The following CALCRL variants were observed in gnomAD, a reference collection of about 807,000 sequenced individuals.
CALCRL encodes the protein calcitonin receptor like receptor, also known as calcitonin gene-related peptide type 1 receptor.
Under a neutral mutation model 60.4 loss-of-function variants are expected in CALCRL, and 27 were observed. The ratio of observed to expected loss-of-function variants is 0.45; its 90% CI spans 0.33 to 0.62. The LOEUF (loss-of-function observed/expected upper bound fraction) is 0.62. Ranked by LOEUF, CALCRL falls within the 20% of genes least tolerant of loss-of-function variation. The probability of loss-of-function intolerance (pLI) is 0.03; values close to 1 mark genes in which losing one functional copy is unlikely to be tolerated. For synonymous variants in CALCRL, 190 were observed against 182.6 expected (o/e 1.04, Z -0.33); for missense variants, 424 against 540.7 (o/e 0.78, Z 2.14).
At chr2:187,347,750 A>G (rs1013417854) in intron 14 of CALCRL, among the ~76,000 whole-genome samples, 2 of 151,838 alleles carry the variant, frequency 1.3e-5, no homozygotes, top group African/African-American at 4.8e-5. Context: ...TTCCTGTTAA[A>G]GTATCTTATA....
chr2:187,348,961 A>G (rs1214598265), intron 14 of CALCRL, among the ~76,000 whole-genome samples: 3 of 151,742 alleles, frequency 2.0e-5, no homozygotes, highest in Non-Finnish European at 4.4e-5. Flanking sequence ...TAGTAAGGCA[A>G]ATGTTTAGAA....
intron 1 of CALCRL, among the ~76,000 whole-genome samples, chr2:187,407,528 T>C (rs1243619888): frequency 6.6e-6 from 1 of 152,122 alleles, no homozygotes; most frequent in Admixed American, 6.6e-5. Flanking sequence ...GAATTATTTC[T>C]TTTAATTCAG....
intron 1 of CALCRL, among the ~76,000 whole-genome samples, chr2:187,430,272 T>C (rs1407252054): frequency 1.3e-5 from 2 of 152,186 alleles, no homozygotes; most frequent in Non-Finnish European, 2.9e-5. Flanking sequence ...GGATCTATTT[T>C]TGGGTCCAGC....
intron 4 of CALCRL, among the ~76,000 whole-genome samples, chr2:187,384,550 G>A (rs1371724197): frequency 6.6e-6 from 1 of 152,214 alleles, no homozygotes; most frequent in Non-Finnish European, 1.5e-5. Context: ...GTGAGCTTAA[G>A]TCAACTTAAA....
intron 12 of CALCRL, among the ~76,000 whole-genome samples, chr2:187,354,355 C>T (rs1686674367): frequency 6.6e-6 from 1 of 151,918 alleles, no homozygotes; most frequent in Admixed American, 6.6e-5. Flanking sequence ...CTGAAGTCAC[C>T]TAAATATCTG....
At chr2:187,395,674 T>A (rs3771081) in intron 1 of CALCRL, among the ~76,000 whole-genome samples, 82,850 of 151,842 alleles carry the variant, frequency 0.55, 23,229 homozygotes, top group East Asian at 0.78. Flanking sequence ...TTTATCAAGT[T>A]GAAGAACAGT....
rs1462202049 is a variant in CALCRL at position 187,446,281 on chromosome 2, C to T, written c.-293+1758G>A. On this transcript the variant is annotated intron_variant, in intron 1 of 14. Coordinates refer to ENST00000392370, the MANE Select transcript of CALCRL (RefSeq NM_005795.6). ...TATTTTCTTATCATTAAAGAAAGCA[C>T]ATTTTGAATACAATAATATGAATTT... 2.0e-5 allele frequency among the ~76,000 whole-genome samples: 3 copies of T among 151,608 alleles called. No individual in the cohort carries two copies. In the East Asian group the frequency reaches 5.8e-4, roughly 29 times the overall value.
At chr2:187,386,260 T>C (rs1688203058) in intron 3 of CALCRL, among the ~76,000 whole-genome samples, 1 of 152,112 alleles carries the variant, frequency 6.6e-6, no homozygotes, top group Admixed American at 6.6e-5. Context: ...GATAGCATAT[T>C]TTATTATAAA....
At chr2:187,432,584 C>A (rs1318107981) in intron 1 of CALCRL, among the ~76,000 whole-genome samples, 1 of 152,066 alleles carries the variant, frequency 6.6e-6, no homozygotes, top group African/African-American at 2.4e-5. Context: ...AAAATCACTT[C>A]CAATTATTTT....
chr2:187,366,965 A>G (rs1274781784), intron 8 of CALCRL, among the ~76,000 whole-genome samples: 1 of 119,742 alleles, frequency 8.4e-6, no homozygotes, highest in East Asian at 2.3e-4. Flanking sequence ...CACACACACG[A>G]CATCTTATTC....
chr2:187,416,100 T>C (rs1475796828), intron 1 of CALCRL, among the ~76,000 whole-genome samples: 1 of 152,220 alleles, frequency 6.6e-6, no homozygotes, highest in Non-Finnish European at 1.5e-5. Flanking sequence ...AGAGAGTGGA[T>C]GTTGTTTGTA....
Position 187,359,069 on chromosome 2 carries a change from A to G in CALCRL, c.903T>C (p.Ala301=), listed in dbSNP as rs1178474715. 4.3e-6 allele frequency: 7 copies of G among 1,611,508 alleles called. No individual in the cohort carries two copies. Among genetic ancestry groups the G allele is most frequent in the Non-Finnish European group, 5.9e-6 (7 of 1,177,690 alleles). The stretch of plus-strand genomic sequence containing the variant: ...AGGAGAATTTGTTACATACCAGTAA[A>G]GCAGCACAAATTGGGCCATGGATAA... The part of the protein sequence containing the change: ...LYIIHGPICA[A]LLVNLFFLLN... The change falls in exon 12 of 15, where the codon GCT becomes GCC. Residue 301 remains alanine, a synonymous_variant. Transcript: ENST00000392370.
In CALCRL at chr2:187,342,069, A is replaced by T. The variant is rs893028382; in HGVS notation, c.*4115T>A. Reference sequence around the variant, plus strand: ...ATGTGGTATGTTCACCCAATGGAATAAAAGGAAACATTGATACATGCCAAA... The same window carrying T: ...ATGTGGTATGTTCACCCAATGGAATTAAAGGAAACATTGATACATGCCAAA... On this transcript the variant is annotated 3_prime_UTR_variant, in exon 15 of 15. Transcript: ENST00000392370. Among the ~76,000 whole-genome samples the T allele has an allele frequency of 1.3e-3, 196 of 152,052 alleles. No homozygotes were observed. The highest frequency in any genetic ancestry group is 4.4e-3 in the African/African-American group (181 of 41,568).
At chr2:187,435,086 T>C (rs1690573545) in intron 1 of CALCRL, among the ~76,000 whole-genome samples, 1 of 152,144 alleles carries the variant, frequency 6.6e-6, no homozygotes, top group Admixed American at 6.6e-5. Flanking sequence ...TTAAACAGTA[T>C]ATGTGTATGT....
rs1183243162 is a variant in CALCRL, at chr2:187,352,303, T to A, written c.939A>T (p.Val313=). ...LVNLFFLLNI[V]RVLITKLKVT... ...CTTTTAACTTGGTGATGAGAACGCG[T>A]ACAATATTTAACAAGAAAAAAAGAT... The change falls in exon 13 of 15, where the codon GTA becomes GTT. Residue 313 remains valine, a synonymous_variant. Coordinates refer to ENST00000392370, the MANE Select transcript of CALCRL (RefSeq NM_005795.6). 1.2e-6 allele frequency: 2 copies of A among 1,610,682 alleles called. No homozygotes were observed. The highest frequency in any genetic ancestry group is 1.1e-5 in the South Asian group (1 of 90,888).
chr2:187,378,807 AT>A (rs749587194), intron 8 of CALCRL, 132 bp downstream of exon 8: 11 of 550,344 alleles, frequency 2.0e-5, no homozygotes, highest in Non-Finnish European at 3.5e-5. Flanking sequence ...AGATCAACTT[AT>A]TTCAACTTAT....
chr2:187,347,994 T>G (rs1686358549), intron 14 of CALCRL, among the ~76,000 whole-genome samples: 1 of 151,634 alleles, frequency 6.6e-6, no homozygotes. Context: ...CAAGCTCAAT[T>G]TAAAAAATAT....
chr2:187,401,588 A>C (rs564735820), intron 1 of CALCRL, among the ~76,000 whole-genome samples: 1 of 151,732 alleles, frequency 6.6e-6, no homozygotes, highest in Admixed American at 6.6e-5. Context: ...AAAGATCTAT[A>C]TACATACTTA....
chr2:187,397,985 A>G (rs965204906), intron 1 of CALCRL, among the ~76,000 whole-genome samples: 14 of 151,646 alleles, frequency 9.2e-5, no homozygotes, highest in Non-Finnish European at 1.9e-4. Flanking sequence ...TTCACTTTAC[A>G]CTGTAATGTA....
Sources: allele counts gnomAD v4.1 joint callset (sites outside exome capture counted in the v4.1 genomes callset), GRCh38; gene constraint gnomAD v4.1.1; transcripts MANE v1.5; gene names NCBI Gene and HGNC (gene_info 2026-07-23, HGNC 2026-07-21).